Variants in NUP214 observed in about 807,000 individuals in gnomAD.
NUP214 encodes the protein nucleoporin 214.
In NUP214, 79 loss-of-function variants were observed where a neutral mutation model predicts 196.2. The observed-to-expected ratio is 0.40, with a 90% CI of 0.34 to 0.49. The LOEUF is 0.49. Ranked by LOEUF, NUP214 falls within the 20% of genes least tolerant of loss-of-function variation. The pLI is 0.58. For synonymous variants in NUP214, 1,020 were observed against 990.5 expected (o/e 1.03, Z -0.56); for missense variants, 2,468 against 2,539.0 (o/e 0.97, Z 0.60).
At chr9:131,133,702 C>T (rs1831631224) in intron 7 of NUP214, 1 of 152,000 alleles carries the variant, frequency 6.6e-6, no homozygotes, top group Non-Finnish European at 1.5e-5. Context: ...TTGGAGTGTC[C>T]ACAGCATGTT....
At chr9:131,184,443 C>T (rs551424075) in intron 24 of NUP214, among the ~76,000 whole-genome samples, 368 of 151,352 alleles carry the variant, frequency 2.4e-3, no homozygotes, top group Non-Finnish European at 4.5e-3. Context: ...AAGCGATTCT[C>T]ATGCTTCAGC....
chr9:131,182,756 A>G (rs1833321168), intron 24 of NUP214, among the ~76,000 whole-genome samples: 2 of 151,804 alleles, frequency 1.3e-5, no homozygotes, highest in Non-Finnish European at 2.9e-5. Context: ...TTATATAGCT[A>G]TTTGTTTCTA....
rs369758441 is a variant in NUP214, at chr9:131,227,985, C to CG, written c.5903-168dup. ...CATTACTATTTTCTTGATAGAAGGGCGGGGGGGAGGGGGGGTGTTGCCCTT... is the reference window on the plus strand; with the variant it reads ...CATTACTATTTTCTTGATAGAAGGGCGGGGGGGGAGGGGGGGTGTTGCCCTT... On this transcript the variant is annotated intron_variant, in intron 32 of 35. Coordinates refer to ENST00000359428, the MANE Select transcript of NUP214 (RefSeq NM_005085.4). Among the ~76,000 whole-genome samples the CG allele has an allele frequency of 6.2e-3, 82 of 13,322 alleles. 1 individual carries two copies. The highest frequency in any genetic ancestry group is 0.032 in the East Asian group (2 of 62). The allele number at this position is 13,322 out of a possible 152,430, so 8.7% of individuals were successfully genotyped here. A position where few individuals can be genotyped will look rare whatever the true frequency, so the allele number is the denominator to read the frequency against.
At position 131,125,626 on chromosome 9, in the gene NUP214, T is replaced by G. The variant is rs990209418; in HGVS notation, c.-79T>G. On this transcript the variant is annotated 5_prime_UTR_variant, in exon 1 of 36. Coordinates refer to ENST00000359428, the MANE Select transcript of NUP214 (RefSeq NM_005085.4). This position sits in a 1 kb window ranked among gnomAD's most constrained non-coding sequence, Gnocchi z 4.1. Reference sequence around the variant, plus strand: ...CCGCTGGCGCTGAGGGGAGGAAGTTTGCTGTCGAGCGGCCTGGGTTCCGTG... The same window carrying G: ...CCGCTGGCGCTGAGGGGAGGAAGTTGGCTGTCGAGCGGCCTGGGTTCCGTG... The G allele has an allele frequency of 6.5e-7, 1 of 1,547,940 alleles. No individual in the cohort carries two copies. The highest frequency in any genetic ancestry group is 1.4e-5 in the African/African-American group (1 of 72,830).
rs967911376 is a variant in NUP214 at position 131,163,778 on chromosome 9, C to G, written c.2724-92C>G. On this transcript the variant is annotated intron_variant, in intron 19 of 35. Coordinates refer to ENST00000359428, the MANE Select transcript of NUP214 (RefSeq NM_005085.4). Reference sequence around the variant, plus strand: ...TTATATATTGGGGATATTCTCATGTCTTGCATTTATATTTAAGAGGATAGT... The same window carrying G: ...TTATATATTGGGGATATTCTCATGTGTTGCATTTATATTTAAGAGGATAGT... The G allele has an allele frequency of 3.5e-6, 3 of 845,444 alleles. No homozygotes were observed. The African/African-American group carries it at 5.1e-5, about 14-fold the overall frequency. 52.4% of individuals were successfully genotyped at this position (845,444 alleles called of 1,614,324 possible).
intron 31 of NUP214, among the ~76,000 whole-genome samples, chr9:131,215,897 ATTT>A (rs768564629): frequency 2.4e-5 from 3 of 123,708 alleles, no homozygotes; most frequent in Non-Finnish European, 3.4e-5. Context: ...TCTTTAGCTA[ATTT>A]TTTTTTTTTT....
intron 21 of NUP214, 50 bp downstream of exon 21, chr9:131,164,194 GGTGTGTGT>G: frequency 6.4e-7 from 1 of 1,562,644 alleles, no homozygotes. Context: ...GGTGTGGTGG[GGTGTGTGT>G]GTGTGCGCGC....
At chr9:131,164,209 G>T in intron 21 of NUP214, 65 bp downstream of exon 21, 1 of 1,420,340 alleles carries the variant, frequency 7.0e-7, no homozygotes, top group Non-Finnish European at 9.9e-7. Flanking sequence ...GTGTGTGTGC[G>T]CGCGCACATG....
At chr9:131,148,826 CTG>C (rs1194219663) in intron 14 of NUP214, among the ~76,000 whole-genome samples, 2 of 152,084 alleles carry the variant, frequency 1.3e-5, no homozygotes, top group African/African-American at 4.8e-5. Flanking sequence ...TATGTTCTCA[CTG>C]TGAATTGTCT....
intron 24 of NUP214, among the ~76,000 whole-genome samples, chr9:131,184,026 CTT>C (rs776765956): frequency 1.9e-5 from 2 of 104,362 alleles, no homozygotes; most frequent in Non-Finnish European, 3.9e-5. Context: ...TTTTCTTTTT[CTT>C]TTTTTTTTTT....
intron 1 of NUP214, 28 bp from the exon 2 acceptor site, chr9:131,127,496 T>A: frequency 6.4e-7 from 1 of 1,561,526 alleles, no homozygotes; most frequent in Non-Finnish European, 8.7e-7. Context: ...CTTTATTGAA[T>A]TGATCTCGTT....
intron 5 of NUP214, among the ~76,000 whole-genome samples, chr9:131,131,206 A>G (rs531739473): frequency 2.2e-4 from 34 of 152,370 alleles, no homozygotes; most frequent in African/African-American, 7.9e-4. Flanking sequence ...AAAAACTATG[A>G]TGATAATGCA....
intron 22 of NUP214, 112 bp downstream of exon 22, chr9:131,174,430 C>CA: frequency 2.4e-4 from 184 of 763,834 alleles, no homozygotes; most frequent in Non-Finnish European, 3.1e-4. Flanking sequence ...GGCTCCAGCC[C>CA]ACTTTTTTTT....
chr9:131,150,268 TAATTGCTTG>T, intron 14 of NUP214, 47 bp from the exon 15 acceptor site: 1 of 1,469,988 alleles, frequency 6.8e-7, no homozygotes, highest in Non-Finnish European at 9.5e-7. Flanking sequence ...GGCTCTGATA[TAATTGCTTG>T]TAGAAGCTAT....
Position 131,135,943 on chromosome 9 carries a change from T to G in NUP214, c.942T>G (p.Asp314Glu). 6.2e-7 allele frequency: 1 copy of G among 1,613,476 alleles called. No homozygotes were observed. Among genetic ancestry groups the G allele is most frequent in the Non-Finnish European group, 8.5e-7 (1 of 1,179,392 alleles). The change falls in exon 9 of 36, where the codon GAT (aspartate) becomes GAG (glutamate). Residue 314 changes from aspartate (D) to glutamate (E), a missense_variant. Physicochemically the swap from Asp to Glu is conservative, Grantham distance 45. Transcript: ENST00000359428. ...GTCTCTGGTTTTATTCTTTAAGGGA[T>G]TTAGTGCTGGCAGCATCTGCGGCTT... ...HYYLSYIEEW[D>E]LVLAASAAST...
chr9:131,194,249 A>G (rs1588158422), intron 27 of NUP214: 1 of 149,142 alleles, frequency 6.7e-6, no homozygotes, highest in South Asian at 2.1e-4. Context: ...GCTCACTACA[A>G]CCTCCACCCC....
In NUP214 at chr9:131,234,619, G is replaced by T. The variant is rs1331880787; in HGVS notation, c.*1132G>T. 8.8e-6 allele frequency: 2 copies of T among 227,440 alleles called. No individual in the cohort carries two copies. Among genetic ancestry groups the T allele is most frequent in the East Asian group, 1.3e-4 (2 of 15,850 alleles). 14.1% of individuals were successfully genotyped at this position (227,440 alleles called of 1,614,324 possible). A position where few individuals can be genotyped will look rare whatever the true frequency, so the allele number is the denominator to read the frequency against. On this transcript the variant is annotated 3_prime_UTR_variant, in exon 36 of 36. Coordinates refer to ENST00000359428, the MANE Select transcript of NUP214 (RefSeq NM_005085.4). Reference sequence around the variant, plus strand: ...TTTTTAGAGTTTTACATATTGGCAGGTTGTATTTTTTTAATGTTTTAATAA... The same window carrying T: ...TTTTTAGAGTTTTACATATTGGCAGTTTGTATTTTTTTAATGTTTTAATAA...
At chr9:131,224,303 T>G (rs1371315648) in intron 32 of NUP214, among the ~76,000 whole-genome samples, 1 of 152,160 alleles carries the variant, frequency 6.6e-6, no homozygotes, top group Non-Finnish European at 1.5e-5. Flanking sequence ...ATTTCTGTCA[T>G]CTGCCTCTCC....
rs117827001 is a variant in NUP214, at chr9:131,168,463, T to C, written c.2893+4319T>C. On this transcript the variant is annotated intron_variant, in intron 21 of 35. Transcript: ENST00000359428. ...TATACCCATCACCACATTTCAGTTC[T>C]AGAACATTTCCATCACTTAAAAAGT... is the stretch of plus-strand genomic sequence containing the variant. 8.5e-3 allele frequency among the ~76,000 whole-genome samples: 1,301 copies of C among 152,332 alleles called. 6 individuals carry two copies. The highest frequency in any genetic ancestry group is 0.012 in the Non-Finnish European group (850 of 68,024).
Sources: allele counts gnomAD v4.1 joint callset (sites outside exome capture counted in the v4.1 genomes callset), GRCh38; gene constraint gnomAD v4.1.1; non-coding constraint Gnocchi (gnomAD v3.1); transcripts MANE v1.5; gene names NCBI Gene and HGNC (gene_info 2026-07-23, HGNC 2026-07-21).